SUPT16H: variants seen among roughly 807,000 people sequenced by gnomAD.
The protein encoded by SUPT16H is FACT complex subunit SPT16.
Under a neutral mutation model 136.2 loss-of-function variants are expected in SUPT16H, and 24 were observed. The ratio of observed to expected loss-of-function variants is 0.18; its 90% confidence interval spans 0.13 to 0.25. The LOEUF is 0.25. Among genes scored for constraint, SUPT16H ranks in the 10% least tolerant of loss-of-function variants. SUPT16H has a pLI of 1.00. For synonymous variants in SUPT16H, 415 were observed against 428.2 expected (o/e 0.97, Z 0.38); for missense variants, 623 against 1,270.2 (o/e 0.49, Z 7.74).
intron 22 of SUPT16H, chr14:21,355,018 A>C (rs1448796670): frequency 6.5e-6 from 1 of 152,990 alleles, no homozygotes; most frequent in African/African-American, 2.4e-5. Context: ...CCTTCACCTG[A>C]GTCTGAGCTC....
chr14:21,370,217 T>C lies in SUPT16H; in HGVS notation c.483+119A>G. 3.0e-6 allele frequency: 4 copies of C among 1,324,920 alleles called. No homozygotes were observed. In the South Asian group the frequency reaches 4.4e-5, roughly 15 times the overall value. The allele number at this position is 1,324,920 out of a possible 1,614,324, so 82.1% of individuals were successfully genotyped here. ...TGGCACACTGCTCAGCCAAAGGGGA[T>C]AAAATGTAAACAAACATACAGTTTT... is the stretch of plus-strand genomic sequence containing the variant. On this transcript the variant is annotated intron_variant, in intron 4 of 25. Coordinates refer to ENST00000216297, the MANE Select transcript of SUPT16H (RefSeq NM_007192.4).
intron 9 of SUPT16H, 23 bp downstream of exon 9, chr14:21,365,047 T>C (rs748300330): frequency 1.2e-6 from 2 of 1,611,528 alleles, no homozygotes; most frequent in Middle Eastern, 1.7e-4. Context: ...CAAAAGCATT[T>C]TCCTATTGTA....
At chr14:21,353,957 G>A in intron 23 of SUPT16H, 125 bp from the exon 24 acceptor site, 4 of 827,610 alleles carry the variant, frequency 4.8e-6, no homozygotes, top group Non-Finnish European at 7.1e-6. Flanking sequence ...TAATCTGAGG[G>A]ATCAAGAGAT....
At chr14:21,363,367 T>C (rs757628699) in intron 11 of SUPT16H, 39 bp from the exon 12 acceptor site, 9 of 1,599,858 alleles carry the variant, frequency 5.6e-6, no homozygotes, top group Non-Finnish European at 6.8e-6. Context: ...AAATTTTAAT[T>C]ATTTTAGCCA....
At chr14:21,352,904 A>G in intron 25 of SUPT16H, 86 bp from the exon 26 acceptor site, 1 of 1,568,684 alleles carries the variant, frequency 6.4e-7, no homozygotes, top group Non-Finnish European at 8.7e-7. Context: ...TACAGAGAAT[A>G]CACTTTGGAA....
At chr14:21,365,314 A>G (rs548535816) in intron 8 of SUPT16H, among the ~76,000 whole-genome samples, 171 bp from the exon 9 acceptor site, 87 of 152,348 alleles carry the variant, frequency 5.7e-4, no homozygotes, top group African/African-American at 1.8e-3. Flanking sequence ...TTTGGCCTCT[A>G]AACATGCTGT....
intron 1 of SUPT16H, among the ~76,000 whole-genome samples, chr14:21,379,660 C>G (rs1000826102): frequency 6.6e-6 from 1 of 151,876 alleles, no homozygotes; most frequent in African/African-American, 2.4e-5. Flanking sequence ...TGAGACCAGC[C>G]TGGGACAACA....
At chr14:21,360,317 C>T (rs574281403) in intron 18 of SUPT16H, 98 bp downstream of exon 18, 54 of 969,970 alleles carry the variant, frequency 5.6e-5, no homozygotes, top group Middle Eastern at 4.8e-4. Context: ...CATGAGCCAC[C>T]GCGCCCAGCC....
Position 21,383,973 on chromosome 14 carries a change from T to C in SUPT16H, c.-46A>G. Reference sequence around the variant, plus strand: ...CTCGGGTTCCGAGAATCACGCGAGGTCCCGGCTCAGCCACCCGCTCTCGGC... The same window carrying C: ...CTCGGGTTCCGAGAATCACGCGAGGCCCCGGCTCAGCCACCCGCTCTCGGC... On this transcript the variant is annotated 5_prime_UTR_variant, in exon 1 of 26. Coordinates refer to ENST00000216297, the MANE Select transcript of SUPT16H (RefSeq NM_007192.4). 1.9e-6 allele frequency: 3 copies of C among 1,609,856 alleles called. No homozygotes were observed. The highest frequency in any genetic ancestry group is 2.5e-6 in the Non-Finnish European group (3 of 1,177,958).
intron 1 of SUPT16H, among the ~76,000 whole-genome samples, chr14:21,375,947 A>G (rs997197757): frequency 1.3e-5 from 2 of 152,220 alleles, no homozygotes; most frequent in African/African-American, 4.8e-5. Flanking sequence ...GCCTAATTCA[A>G]GGTCACTCAG....
chr14:21,358,105 TACTC>T, intron 20 of SUPT16H, 103 bp from the exon 21 acceptor site: 1 of 1,072,868 alleles, frequency 9.3e-7, no homozygotes, highest in Non-Finnish European at 1.4e-6. Context: ...AGCTCCAGCA[TACTC>T]ACTGGAGACT....
intron 1 of SUPT16H, among the ~76,000 whole-genome samples, chr14:21,374,970 T>C (rs558761008): frequency 3.9e-5 from 6 of 152,202 alleles, no homozygotes; most frequent in Non-Finnish European, 7.3e-5. Flanking sequence ...ACAGTTTTTA[T>C]GTCGTTTTGA....
In SUPT16H at chr14:21,363,220, A is replaced by G. The variant is rs768067470; in HGVS notation, c.1395+13T>C. 1 of 1,614,182 alleles carries G rather than the reference A, an allele frequency of 6.2e-7. No individual in the cohort carries two copies. The highest frequency in any genetic ancestry group is 1.1e-5 in the South Asian group (1 of 91,080). On this transcript the variant is annotated intron_variant, in intron 12 of 25. Transcript: ENST00000216297. ...ACAGCCGAGATCAATGTAATTTAAA[A>G]TAGTAAACTTACTCTTGTTCTTTCT...
At chr14:21,361,746 T>C (rs1886560938) in intron 15 of SUPT16H, among the ~76,000 whole-genome samples, 1 of 152,192 alleles carries the variant, frequency 6.6e-6, no homozygotes, top group Admixed American at 6.5e-5. Flanking sequence ...TATATGTTTA[T>C]TACTTTTAAC....
chr14:21,362,429 A>G, intron 14 of SUPT16H, 105 bp from the exon 15 acceptor site: 1 of 1,077,260 alleles, frequency 9.3e-7, no homozygotes, highest in Non-Finnish European at 1.3e-6. Flanking sequence ...ACCGCTCTTA[A>G]CCTTAATCTA....
At chr14:21,375,189 T>C (rs191176224) in intron 1 of SUPT16H, among the ~76,000 whole-genome samples, 67 of 152,182 alleles carry the variant, frequency 4.4e-4, no homozygotes, top group African/African-American at 1.4e-3. Flanking sequence ...ATTTTTATAT[T>C]TCTTAGTAGA....
At chr14:21,377,554 A>G (rs1156613805) in intron 1 of SUPT16H, among the ~76,000 whole-genome samples, 2 of 152,108 alleles carry the variant, frequency 1.3e-5, no homozygotes, top group African/African-American at 4.8e-5. Flanking sequence ...CAAGGGCTGA[A>G]GACATTTATA....
intron 23 of SUPT16H, 69 bp downstream of exon 23, chr14:21,354,342 T>A: frequency 6.3e-7 from 1 of 1,584,836 alleles, no homozygotes; most frequent in South Asian, 1.2e-5. Context: ...CTACTCATAT[T>A]CCATTCTAAC....
chr14:21,353,363 A>G, intron 25 of SUPT16H, 125 bp downstream of exon 25: 1 of 920,468 alleles, frequency 1.1e-6, no homozygotes, highest in Non-Finnish European at 1.7e-6. Context: ...TGTGGCTCCA[A>G]AGCACTTTTA....
Sources: gnomAD v4.1 joint callset for allele counts (sites outside exome capture counted in the v4.1 genomes callset) on GRCh38, gnomAD v4.1.1 for gene constraint, MANE v1.5 for transcripts, NCBI Gene and HGNC (gene_info 2026-07-23, HGNC 2026-07-21) for gene names.